SLMAP: variants seen among roughly 807,000 people sequenced by gnomAD.
The protein encoded by SLMAP is sarcolemmal membrane-associated protein.
Under a neutral mutation model 128.8 loss-of-function variants are expected in SLMAP, and 44 were observed. That is an observed-to-expected ratio of 0.34 (90% CI 0.27 to 0.44). SLMAP has a LOEUF of 0.44. Among genes scored for constraint, SLMAP ranks in the 20% least tolerant of loss-of-function variants. SLMAP has a pLI of 1.00. For synonymous variants in SLMAP, 327 were observed against 348.8 expected, an observed-to-expected ratio of 0.94 and a Z score of 0.70; for missense variants, 787 against 985.3, an observed-to-expected ratio of 0.80 and a Z score of 2.69.
Position 57,917,309 on chromosome 3 carries a change from A to AT in SLMAP, c.2310+237dup. On this transcript the variant is annotated intron_variant, in intron 22 of 24. Coordinates refer to ENST00000671191, the MANE Select transcript of SLMAP (RefSeq NM_001377540.1). ...ATATAATATACAAAACTACATTTTA[A>AT]TTTTTCTCTACCAGTTACTTATATG... 3 of 1,073,452 alleles carry AT rather than the reference A, an allele frequency of 2.8e-6. No individual in the cohort carries two copies. In the South Asian group the frequency reaches 5.2e-5, roughly 19 times the overall value. The allele number at this position is 1,073,452 out of a possible 1,614,324, so 66.5% of individuals were successfully genotyped here. A position where few individuals can be genotyped will look rare whatever the true frequency, so the allele number is the denominator to read the frequency against.
chr3:57,889,906 A>G (rs905848183), intron 14 of SLMAP, 135 bp from the exon 15 acceptor site: 1 of 569,446 alleles, frequency 1.8e-6, no homozygotes, highest in Non-Finnish European at 3.2e-6. Flanking sequence ...TTCCAGATTC[A>G]AGTTTTTATT....
chr3:57,843,802 CA>C (rs2094104671), intron 4 of SLMAP, among the ~76,000 whole-genome samples: 1 of 63,896 alleles, frequency 1.6e-5, no homozygotes. Flanking sequence ...TTTTTTGAGA[CA>C]GAATCTCACT....
At chr3:57,910,060 C>G (rs2096657903) in intron 19 of SLMAP, among the ~76,000 whole-genome samples, 1 of 152,030 alleles carries the variant, frequency 6.6e-6, no homozygotes, top group African/African-American at 2.4e-5. Context: ...TACAGAGGGC[C>G]TTTGGATAGG....
intron 2 of SLMAP, among the ~76,000 whole-genome samples, chr3:57,768,406 ACAG>A (rs1202456033): frequency 1.1e-4 from 16 of 152,318 alleles, no homozygotes; most frequent in African/African-American, 3.8e-4. Flanking sequence ...TATACAAATA[ACAG>A]GAATACATTC....
intron 21 of SLMAP, among the ~76,000 whole-genome samples, chr3:57,916,213 T>G (rs1214004190): frequency 1.3e-5 from 2 of 152,084 alleles, no homozygotes; most frequent in Non-Finnish European, 2.9e-5. Context: ...CCTCAGAAGT[T>G]AATGAATTCA....
intron 2 of SLMAP, among the ~76,000 whole-genome samples, chr3:57,759,750 A>T (rs1176662620): frequency 1.3e-5 from 2 of 152,132 alleles, no homozygotes; most frequent in Admixed American, 1.3e-4. Context: ...CACAGTACAT[A>T]CTCTGCGAAT....
At chr3:57,897,280 A>G (rs1260862332) in intron 17 of SLMAP, 1 of 382,910 alleles carries the variant, frequency 2.6e-6, no homozygotes, top group Non-Finnish European at 4.3e-6. Flanking sequence ...TGAAAGACTC[A>G]CCGGTTTACT....
intron 15 of SLMAP, among the ~76,000 whole-genome samples, chr3:57,892,905 C>T (rs56215035): frequency 0.014 from 2,053 of 145,946 alleles, 51 homozygotes; most frequent in African/African-American, 0.05. Context: ...TCAATCTCGG[C>T]TCACTGCAAG....
chr3:57,879,814 G>T (rs2095686393), intron 14 of SLMAP, among the ~76,000 whole-genome samples: 1 of 151,952 alleles, frequency 6.6e-6, no homozygotes, highest in South Asian at 2.1e-4. Flanking sequence ...TGTGTGGCGG[G>T]TGGCGGGCAC....
At position 57,849,180 on chromosome 3, in the gene SLMAP, C is replaced by T. The variant is rs144272402; in HGVS notation, c.457-574C>T. ...CTGGGATTACAGGCATGAGCCACTG[C>T]GCCCGGCCCTTTTTTGTTTGTTTTT... On this transcript the variant is annotated intron_variant, in intron 5 of 24. Coordinates refer to ENST00000671191, the MANE Select transcript of SLMAP (RefSeq NM_001377540.1). Among the ~76,000 whole-genome samples, 504 of 152,258 alleles carry T rather than the reference C, an allele frequency of 3.3e-3. 1 individual carries two copies. The highest frequency in any genetic ancestry group is 0.011 in the African/African-American group (465 of 41,544).
At chr3:57,794,059 A>G (rs2153479326) in intron 2 of SLMAP, among the ~76,000 whole-genome samples, 1 of 152,186 alleles carries the variant, frequency 6.6e-6, no homozygotes, top group East Asian at 1.9e-4. Context: ...AGAGAGAGAG[A>G]GACCCTTTCT....
intron 19 of SLMAP, among the ~76,000 whole-genome samples, chr3:57,909,551 A>G (rs1022547041): frequency 5.3e-5 from 8 of 151,420 alleles, no homozygotes; most frequent in African/African-American, 1.9e-4. Context: ...GAGAGTCCCC[A>G]TTTTTCATGG....
At chr3:57,813,086 G>T (rs998100681) in intron 2 of SLMAP, among the ~76,000 whole-genome samples, 1 of 141,524 alleles carries the variant, frequency 7.1e-6, no homozygotes, top group Non-Finnish European at 1.5e-5. Context: ...TGTCCTTTCC[G>T]TTTGGATGCT....
chr3:57,896,725 TTGAA>T, intron 16 of SLMAP, 134 bp downstream of exon 16: 1 of 1,289,654 alleles, frequency 7.8e-7, no homozygotes, highest in Admixed American at 2.6e-5. Context: ...GTCATCCCCT[TTGAA>T]TGCTGGATAT....
chr3:57,828,942 A>T (rs1042724681), intron 2 of SLMAP, among the ~76,000 whole-genome samples: 1 of 151,884 alleles, frequency 6.6e-6, no homozygotes, highest in Non-Finnish European at 1.5e-5. Flanking sequence ...CACCATGCCC[A>T]GCTGATTTTT....
Position 57,824,655 on chromosome 3 carries a change from T to G in SLMAP, c.199-6728T>G, listed in dbSNP as rs76093699. Among the ~76,000 whole-genome samples the G allele has an allele frequency of 3.2e-3, 487 of 152,360 alleles. 3 individuals are homozygous for G. The highest frequency in any genetic ancestry group is 0.011 in the African/African-American group (465 of 41,582). ...CACAATGTTTTGATTACTGTACCTCTGTAGTAAGTTTTGAATTCAGGAAAT... is the reference window on the plus strand; with the variant it reads ...CACAATGTTTTGATTACTGTACCTCGGTAGTAAGTTTTGAATTCAGGAAAT... On this transcript the variant is annotated intron_variant, in intron 2 of 24. Transcript: ENST00000671191.
chr3:57,782,939 G>A (rs1248611150), intron 2 of SLMAP, among the ~76,000 whole-genome samples: 1 of 152,144 alleles, frequency 6.6e-6, no homozygotes, highest in Non-Finnish European at 1.5e-5. Context: ...CTAGATGATG[G>A]CACCTTGATA....
At chr3:57,822,656 A>G (rs1429420818) in intron 2 of SLMAP, among the ~76,000 whole-genome samples, 1 of 152,194 alleles carries the variant, frequency 6.6e-6, no homozygotes, top group Non-Finnish European at 1.5e-5. Context: ...TGTTCCTGGT[A>G]TGACTTGCTG....
At chr3:57,790,889 T>G (rs1458577910) in intron 2 of SLMAP, among the ~76,000 whole-genome samples, 1 of 152,190 alleles carries the variant, frequency 6.6e-6, no homozygotes, top group Non-Finnish European at 1.5e-5. Context: ...ATAATTTCAA[T>G]TTTAGAAAAC....
Sources: gnomAD v4.1 joint callset for allele counts (sites outside exome capture counted in the v4.1 genomes callset) on GRCh38, gnomAD v4.1.1 for gene constraint, MANE v1.5 for transcripts, NCBI Gene and HGNC (gene_info 2026-07-23, HGNC 2026-07-21) for gene names.